Variants in DTNB observed in about 807,000 individuals in gnomAD.
The protein encoded by DTNB is dystrobrevin beta.
DTNB carries 63 observed loss-of-function variants against 90.7 expected under a neutral mutation model. The ratio of observed to expected loss-of-function variants is 0.69; its 90% CI spans 0.57 to 0.86. The LOEUF is 0.86. Among genes scored for constraint, DTNB ranks in the 40% least tolerant of loss-of-function variants. DTNB has a pLI of 0.00. For missense variants in DTNB, 744 were observed against 807.1 expected, an observed-to-expected ratio of 0.92 and a Z score of 0.95; for synonymous variants, 277 against 286.7, an observed-to-expected ratio of 0.97 and a Z score of 0.34.
At chr2:25,573,961 T>C (rs2060270207) in intron 8 of DTNB, among the ~76,000 whole-genome samples, 1 of 152,162 alleles carries the variant, frequency 6.6e-6, no homozygotes, top group African/African-American at 2.4e-5. Context: ...GGTTTCACCC[T>C]CCGCGGAGTC....
intron 16 of DTNB, among the ~76,000 whole-genome samples, chr2:25,390,077 C>A (rs2040676798): frequency 6.6e-6 from 1 of 152,146 alleles, no homozygotes; most frequent in Non-Finnish European, 1.5e-5. Context: ...GAGGCAACCC[C>A]TATCAAAATT....
chr2:25,460,544 G>C (rs1039675026), intron 10 of DTNB, among the ~76,000 whole-genome samples: 3 of 152,092 alleles, frequency 2.0e-5, no homozygotes, highest in South Asian at 2.1e-4. Context: ...ACTTGCAAAG[G>C]AGGCCAAGAA....
chr2:25,593,776 G>C (rs765986110), intron 6 of DTNB, among the ~76,000 whole-genome samples: 5 of 152,048 alleles, frequency 3.3e-5, no homozygotes, highest in Admixed American at 6.5e-5. Context: ...GATTCTCATC[G>C]GAATACTAAC....
At chr2:25,646,823 C>T (rs1429223577) in intron 2 of DTNB, among the ~76,000 whole-genome samples, 1 of 152,148 alleles carries the variant, frequency 6.6e-6, no homozygotes, top group Non-Finnish European at 1.5e-5. Context: ...CTCAGGACCT[C>T]CTGAGGGCTG....
At chr2:25,559,411 C>A (rs554202543) in intron 8 of DTNB, among the ~76,000 whole-genome samples, 3 of 152,194 alleles carry the variant, frequency 2.0e-5, no homozygotes, top group Non-Finnish European at 2.9e-5. Flanking sequence ...AACAACTAGA[C>A]CTCCAGGTGG....
At chr2:25,462,712 T>C (rs2061169377) in intron 10 of DTNB, among the ~76,000 whole-genome samples, 1 of 152,068 alleles carries the variant, frequency 6.6e-6, no homozygotes, top group African/African-American at 2.4e-5. Flanking sequence ...AACACTCTTT[T>C]TTTTTTTTTG....
At chr2:25,651,421 T>C (rs1233776509) in intron 2 of DTNB, among the ~76,000 whole-genome samples, 7 of 152,236 alleles carry the variant, frequency 4.6e-5, no homozygotes, top group African/African-American at 7.2e-5. Flanking sequence ...CTCATGTACA[T>C]AGTAAAACTC....
At chr2:25,456,560 T>G (rs534550220) in intron 10 of DTNB, among the ~76,000 whole-genome samples, 66 of 151,322 alleles carry the variant, frequency 4.4e-4, no homozygotes, top group Admixed American at 5.3e-4. Context: ...CATTTCTGGG[T>G]TTTTTTTTGT....
chr2:25,425,182 G>A (rs1029658152), intron 15 of DTNB, among the ~76,000 whole-genome samples: 2 of 152,080 alleles, frequency 1.3e-5, no homozygotes, highest in Non-Finnish European at 2.9e-5. Flanking sequence ...GACCCATTTA[G>A]ACATAAAATA....
At chr2:25,672,374 C>A (rs191968083) in intron 1 of DTNB, among the ~76,000 whole-genome samples, 1 of 152,272 alleles carries the variant, frequency 6.6e-6, no homozygotes, top group Admixed American at 6.5e-5. Context: ...TATGGCTCAA[C>A]CGCTGTGAGC....
chr2:25,461,768 A>C (rs1455021895), intron 10 of DTNB, among the ~76,000 whole-genome samples: 1 of 152,236 alleles, frequency 6.6e-6, no homozygotes, highest in East Asian at 1.9e-4. Flanking sequence ...AAATGACCAC[A>C]CCAATAAACG....
intron 12 of DTNB, among the ~76,000 whole-genome samples, chr2:25,446,863 T>A (rs903206795): frequency 1.3e-5 from 2 of 152,208 alleles, no homozygotes; most frequent in African/African-American, 4.8e-5. Flanking sequence ...GAATTCCAGT[T>A]ACATGACTGT....
intron 8 of DTNB, among the ~76,000 whole-genome samples, chr2:25,571,771 C>T (rs1559074760): frequency 6.6e-6 from 1 of 152,254 alleles, no homozygotes; most frequent in African/African-American, 2.4e-5. Context: ...CAGCCAGTTC[C>T]TTTGGAGACC....
intron 9 of DTNB, among the ~76,000 whole-genome samples, chr2:25,523,576 G>T (rs370731241): frequency 2.0e-5 from 3 of 151,304 alleles, no homozygotes; most frequent in African/African-American, 7.3e-5. Context: ...GGGAAGCGGA[G>T]GTTGCAGTGA....
intron 6 of DTNB, among the ~76,000 whole-genome samples, chr2:25,583,967 T>A (rs2061960919): frequency 6.6e-6 from 1 of 152,180 alleles, no homozygotes; most frequent in Admixed American, 6.5e-5. Context: ...ACATGAGGAA[T>A]GAAACTAGCA....
intron 9 of DTNB, among the ~76,000 whole-genome samples, chr2:25,484,115 T>C (rs939321651): frequency 2.0e-5 from 3 of 152,078 alleles, no homozygotes; most frequent in African/African-American, 7.2e-5. Flanking sequence ...GGCTACACCA[T>C]ATGGCCTAGG....
Position 25,421,084 on chromosome 2 carries a change from G to T in DTNB, c.1555-1549C>A, listed in dbSNP as rs572347684. 5 of 152,282 alleles carry T rather than the reference G, an allele frequency of 3.3e-5. No individual in the cohort carries two copies. The East Asian group carries it at 9.6e-4, about 29-fold the overall frequency. The allele number at this position is 152,282 out of a possible 1,614,324, so 9.4% of individuals were successfully genotyped here. The stretch of plus-strand genomic sequence containing the variant: ...TTCTATTTAAATTGGAACAATTCAT[G>T]CAGCCAGTCTTTACTGAACATGTAC... On this transcript the variant is annotated intron_variant, in intron 15 of 20. Transcript: ENST00000406818.
intron 9 of DTNB, among the ~76,000 whole-genome samples, chr2:25,511,580 C>CCTCG (rs1314021496): frequency 6.6e-6 from 1 of 152,186 alleles, no homozygotes; most frequent in Non-Finnish European, 1.5e-5. Context: ...GATCCACCTG[C>CCTCG]CTCGGCCTCC....
intron 9 of DTNB, among the ~76,000 whole-genome samples, chr2:25,501,761 GA>G (rs1351611847): frequency 3.3e-5 from 5 of 152,104 alleles, no homozygotes; most frequent in Non-Finnish European, 7.4e-5. Flanking sequence ...GACAATGGCT[GA>G]AAATTTTTCA....
Sources: allele counts gnomAD v4.1 joint callset (sites outside exome capture counted in the v4.1 genomes callset), GRCh38; gene constraint gnomAD v4.1.1; transcripts MANE v1.5; gene names NCBI Gene and HGNC (gene_info 2026-07-23, HGNC 2026-07-21).